The following HCN1 variants were observed in gnomAD, a reference collection of about 807,000 sequenced individuals.
The protein encoded by HCN1 is potassium/sodium hyperpolarization-activated cyclic nucleotide-gated channel 1.
A neutral mutation model predicts 78.9 loss-of-function variants in HCN1; 13 were observed. That is an observed-to-expected ratio of 0.16 (90% confidence interval 0.11 to 0.26). The LOEUF (loss-of-function observed/expected upper bound fraction) is 0.26, where lower values mean the gene tolerates loss of function less well. Ranked by LOEUF, HCN1 falls within the 10% of genes least tolerant of loss-of-function variation. The pLI is 1.00. For missense variants in HCN1, 810 were observed against 1,154.3 expected (o/e 0.70, Z 4.32); for synonymous variants, 552 against 455.5 (o/e 1.21, Z -2.70).
chr5:45,456,860 T>C (rs1741038227), intron 3 of HCN1, among the ~76,000 whole-genome samples: 1 of 152,068 alleles, frequency 6.6e-6, no homozygotes, highest in South Asian at 2.1e-4. Context: ...CAGGATTTAA[T>C]ATGTTATTAA....
At chr5:45,380,511 G>C (rs1215843048) in intron 4 of HCN1, among the ~76,000 whole-genome samples, 1 of 152,058 alleles carries the variant, frequency 6.6e-6, no homozygotes, top group African/African-American at 2.4e-5. Flanking sequence ...AGGTACTCAG[G>C]TTCAAAACTG....
chr5:45,347,679 T>C (rs1310346590), intron 5 of HCN1, among the ~76,000 whole-genome samples: 1 of 152,150 alleles, frequency 6.6e-6, no homozygotes, highest in Non-Finnish European at 1.5e-5. Flanking sequence ...AAGGAGCTGA[T>C]GGAGCTGAAA....
chr5:45,347,434 T>A (rs1321817824), intron 5 of HCN1, among the ~76,000 whole-genome samples: 2 of 152,038 alleles, frequency 1.3e-5, no homozygotes, highest in African/African-American at 2.4e-5. Flanking sequence ...GCAGAAAAAC[T>A]GGAAACTCTA....
At chr5:45,267,274 G>T (rs1199739399) in intron 6 of HCN1, 21 bp from the exon 7 acceptor site, 101 of 1,610,768 alleles carry the variant, frequency 6.3e-5, no homozygotes, top group Non-Finnish European at 8.5e-5. Context: ...AAACAACAAA[G>T]AAGAATGACT....
chr5:45,428,482 C>T (rs546724832), intron 3 of HCN1, among the ~76,000 whole-genome samples: 1 of 152,074 alleles, frequency 6.6e-6, no homozygotes, highest in Non-Finnish European at 1.5e-5. Context: ...AAATTCATGT[C>T]ACTCTAATTC....
chr5:45,437,328 T>C (rs2112082824), intron 3 of HCN1, among the ~76,000 whole-genome samples: 1 of 152,250 alleles, frequency 6.6e-6, no homozygotes, highest in Admixed American at 6.5e-5. Flanking sequence ...ACTCTGAAAA[T>C]GTTTTTAGTT....
intron 2 of HCN1, among the ~76,000 whole-genome samples, chr5:45,592,729 T>C (rs1744393132): frequency 6.6e-6 from 1 of 152,188 alleles, no homozygotes; most frequent in Admixed American, 6.5e-5. Context: ...ATCAATTATT[T>C]GAATAGTTTA....
Position 45,313,415 on chromosome 5 carries a change from A to G in HCN1, c.1378-9576T>C, listed in dbSNP as rs187410880. Among the ~76,000 whole-genome samples, 377 of 152,190 alleles carry G rather than the reference A, an allele frequency of 2.5e-3. 5 individuals are homozygous for G. In the East Asian group the frequency reaches 0.059, roughly 24 times the overall value. ...GGTAGATAAAACCACAAAGGTGGGG[A>G]AAAAAACAGAGCAGAAAAGCTAAAA... On this transcript the variant is annotated intron_variant, in intron 5 of 7. Transcript: ENST00000303230.
chr5:45,504,970 G>C (rs1034877627), intron 2 of HCN1, among the ~76,000 whole-genome samples: 3 of 152,030 alleles, frequency 2.0e-5, no homozygotes, highest in African/African-American at 4.8e-5. Flanking sequence ...TTGTAAATTT[G>C]TTTGAGTTCA....
At chr5:45,584,978 A>C (rs1035487614) in intron 2 of HCN1, among the ~76,000 whole-genome samples, 1 of 152,020 alleles carries the variant, frequency 6.6e-6, no homozygotes, top group African/African-American at 2.4e-5. Flanking sequence ...CCTTCATTTC[A>C]ACTTTGGTGA....
At chr5:45,319,364 A>G in intron 5 of HCN1, among the ~76,000 whole-genome samples, 1 of 152,038 alleles carries the variant, frequency 6.6e-6, no homozygotes, top group East Asian at 1.9e-4. Context: ...TGATTTTATC[A>G]TTTAGCCATT....
intron 5 of HCN1, among the ~76,000 whole-genome samples, chr5:45,335,507 T>C (rs1235725677): frequency 1.3e-5 from 2 of 152,080 alleles, no homozygotes; most frequent in African/African-American, 2.4e-5. Flanking sequence ...TTTGAATACA[T>C]TCCAAAAGAA....
At chr5:45,526,593 C>G (rs1477186482) in intron 2 of HCN1, among the ~76,000 whole-genome samples, 1 of 152,098 alleles carries the variant, frequency 6.6e-6, no homozygotes, top group East Asian at 1.9e-4. Context: ...ACTACTTGTT[C>G]TGAACCTTGG....
At chr5:45,443,974 C>A (rs1740734103) in intron 3 of HCN1, among the ~76,000 whole-genome samples, 1 of 152,030 alleles carries the variant, frequency 6.6e-6, no homozygotes, top group Non-Finnish European at 1.5e-5. Flanking sequence ...AAGTTATGAA[C>A]CCAAAGCAGC....
chr5:45,614,493 C>T (rs748919922), intron 2 of HCN1, among the ~76,000 whole-genome samples: 2 of 151,992 alleles, frequency 1.3e-5, no homozygotes, highest in Admixed American at 6.6e-5. Context: ...AAAAAGAAAG[C>T]GAAAACTTGA....
intron 3 of HCN1, among the ~76,000 whole-genome samples, chr5:45,423,804 T>TA (rs1740279534): frequency 6.6e-6 from 1 of 152,150 alleles, no homozygotes. Flanking sequence ...AACTCCAAAA[T>TA]ATCTTCAACT....
chr5:45,578,160 G>A (rs903761988), intron 2 of HCN1, among the ~76,000 whole-genome samples: 16 of 151,966 alleles, frequency 1.1e-4, no homozygotes, highest in Non-Finnish European at 2.1e-4. Context: ...CTTTTTAGAT[G>A]ACCCACCACA....
intron 2 of HCN1, among the ~76,000 whole-genome samples, chr5:45,506,079 C>A (rs2111745281): frequency 6.6e-6 from 1 of 152,164 alleles, no homozygotes; most frequent in Non-Finnish European, 1.5e-5. Flanking sequence ...GGCATTTCTT[C>A]TTTATATTAG....
chr5:45,322,772 A>C (rs115626217), intron 5 of HCN1, among the ~76,000 whole-genome samples: 2,436 of 151,924 alleles, frequency 0.016, 70 homozygotes, highest in African/African-American at 0.056. Flanking sequence ...GGATTTTCAG[A>C]TTAGGAATGC....
Sources: gnomAD v4.1 joint callset for allele counts (sites outside exome capture counted in the v4.1 genomes callset) on GRCh38, gnomAD v4.1.1 for gene constraint, MANE v1.5 for transcripts, NCBI Gene and HGNC (gene_info 2026-07-23, HGNC 2026-07-21) for gene names.